Variants in GRK1 observed in about 807,000 individuals in gnomAD.
The protein encoded by GRK1 is G protein-coupled receptor kinase 1.
GRK1 carries 28 observed loss-of-function variants against 41.7 expected under a neutral mutation model. That is an observed-to-expected ratio of 0.67 (90% CI 0.50 to 0.92). GRK1 has a LOEUF of 0.92. Among genes scored for constraint, GRK1 ranks in the 40% least tolerant of loss-of-function variants. GRK1 has a pLI of 0.00. For missense variants in GRK1, 703 were observed against 671.2 expected (o/e 1.05, Z -0.52); for synonymous variants, 327 against 286.7 (o/e 1.14, Z -1.42).
At chr13:113,649,556 G>C in the GRK1 span, 1 of 1,470,594 alleles carries the variant, frequency 6.8e-7, no homozygotes, top group Non-Finnish European at 9.0e-7. The surrounding 1 kb of genome is among the most constrained non-coding windows in gnomAD (Gnocchi z 4.7). Flanking sequence ...AGTGAGGAAA[G>C]GACAGGTGTT....
At chr13:113,726,729 C>T (rs2049891172) in intron 4 of GRK1, among the ~76,000 whole-genome samples, 1 of 152,112 alleles carries the variant, frequency 6.6e-6, no homozygotes, top group Non-Finnish European at 1.5e-5. Flanking sequence ...TGCTCGTGCC[C>T]GGCCTGGGAG....
upstream of GRK1, chr13:113,667,023 GTTGT>G (rs2140714785): frequency 5.4e-6 from 1 of 185,000 alleles, no homozygotes; most frequent in African/African-American, 2.4e-5. This position sits in a 1 kb window ranked among gnomAD's most constrained non-coding sequence, Gnocchi z 7.5. Context: ...AAGCCTGGTG[GTTGT>G]TTGTCCTTCT....
chr13:113,657,197 C>T, the GRK1 span, among the ~76,000 whole-genome samples: 479 of 152,186 alleles, frequency 3.1e-3, 6 homozygotes, highest in African/African-American at 0.011. Context: ...ATTCCCACCT[C>T]GGCTCTGGGA....
upstream of GRK1, among the ~76,000 whole-genome samples, chr13:113,665,385 GTGTGCCCCAGCTGTCTCAGA>G (rs1307937476): frequency 4.3e-3 from 645 of 151,140 alleles, 3 homozygotes; most frequent in African/African-American, 0.014. Flanking sequence ...GCTGTCCCAG[GTGTGCCCCAGCTGTCTCAGA>G]TGTGCCCCAG....
At chr13:113,662,932 A>G (rs1337164746), upstream of GRK1, among the ~76,000 whole-genome samples, 1 of 152,248 alleles carries the variant, frequency 6.6e-6, no homozygotes, top group African/African-American at 2.4e-5. Context: ...TGGTAGATAT[A>G]TACAAGATTA....
chr13:113,665,079 C>T (rs2049809261), upstream of GRK1, among the ~76,000 whole-genome samples: 1 of 152,228 alleles, frequency 6.6e-6, no homozygotes, highest in African/African-American at 2.4e-5. Flanking sequence ...GTGCAGCCCC[C>T]AGTGCCCTCC....
upstream of GRK1, among the ~76,000 whole-genome samples, chr13:113,666,377 T>C (rs2049819262): frequency 6.7e-6 from 1 of 148,754 alleles, no homozygotes; most frequent in Non-Finnish European, 1.5e-5. Flanking sequence ...GTCCCAGCTG[T>C]CCCAGGTCTC....
At chr13:113,654,726 G>T in the GRK1 span, 1 of 1,502,790 alleles carries the variant, frequency 6.7e-7, no homozygotes, top group Non-Finnish European at 8.9e-7. Flanking sequence ...TTTCTGGGGA[G>T]GGCACGGGTC....
At chr13:113,649,561 G>C in the GRK1 span, 9 of 1,465,038 alleles carry the variant, frequency 6.1e-6, no homozygotes, top group South Asian at 1.2e-4. This position sits in a 1 kb window ranked among gnomAD's most constrained non-coding sequence, Gnocchi z 4.7. Flanking sequence ...GGAAAGGACA[G>C]GTGTTTCAAA....
In GRK1 at chr13:113,731,823, C is replaced by T. The variant is rs148251681; in HGVS notation, c.1194+480C>T. On this transcript the variant is annotated intron_variant, in intron 5 of 6. Transcript: ENST00000335678. The surrounding 1 kb of genome is among the most constrained non-coding windows in gnomAD (Gnocchi z 5.6). ...GCTCTGGGGGACACGGAGTCGGCTCCCCCTCCCTGGACGGTCTTATCCATC... is the reference window on the plus strand; with the variant it reads ...GCTCTGGGGGACACGGAGTCGGCTCTCCCTCCCTGGACGGTCTTATCCATC... 0.015 allele frequency among the ~76,000 whole-genome samples: 2,323 copies of T among 152,290 alleles called. 46 individuals carry two copies. Among genetic ancestry groups the T allele is most frequent in the African/African-American group, 0.053 (2,219 of 41,540 alleles).
chr13:113,668,166 C>A, intron 1 of GRK1, 81 bp downstream of exon 1: 1 of 1,416,840 alleles, frequency 7.1e-7, no homozygotes, highest in African/African-American at 1.4e-5. Flanking sequence ...GCCCCCAGGT[C>A]ACTGTCGGCT....
intron 6 of GRK1, among the ~76,000 whole-genome samples, chr13:113,733,906 C>T (rs535434623): frequency 0.11 from 6,760 of 64,054 alleles, 266 homozygotes; most frequent in Middle Eastern, 0.17. Context: ...TGTATGTGTG[C>T]ATACAGTGTG....
At chr13:113,665,424 GGT>G (rs546372850), upstream of GRK1, among the ~76,000 whole-genome samples, 1 of 141,408 alleles carries the variant, frequency 7.1e-6, no homozygotes, top group South Asian at 2.4e-4. Context: ...AGCTGTCCCA[GGT>G]GTGTCACAGC....
chr13:113,730,083 T>C lies in GRK1; in HGVS notation c.1070-1136T>C, dbSNP rs1194314789. ...TCCCGACACAGTCCCCCAGTCCCCG[T>C]GGCTGAGCCCAGACCCGCCCCTCCA... On this transcript the variant is annotated intron_variant, in intron 4 of 6. Transcript: ENST00000335678. 2.4e-3 allele frequency among the ~76,000 whole-genome samples: 180 copies of C among 73,492 alleles called. 2 individuals carry two copies. The highest frequency in any genetic ancestry group is 6.9e-3 in the African/African-American group (122 of 17,794). The allele number at this position is 73,492 out of a possible 152,430, so 48.2% of individuals were successfully genotyped here. A position where few individuals can be genotyped will look rare whatever the true frequency, so the allele number is the denominator to read the frequency against.
At chr13:113,661,100 G>T in the GRK1 span, among the ~76,000 whole-genome samples, 2 of 152,168 alleles carry the variant, frequency 1.3e-5, no homozygotes, top group African/African-American at 4.8e-5. Flanking sequence ...TGTATCTTGG[G>T]CCATAAAGGA....
At chr13:113,733,662 C>CATACGTGTGTGTGCGT in intron 6 of GRK1, among the ~76,000 whole-genome samples, 1 of 126,166 alleles carries the variant, frequency 7.9e-6, no homozygotes, top group East Asian at 2.3e-4. Flanking sequence ...CGTGTGTGTG[C>CATACGTGTGTGTGCGT]GTGTGTGCAC....
intron 6 of GRK1, among the ~76,000 whole-genome samples, chr13:113,733,867 G>GTGCA (rs1476397152): frequency 3.0e-5 from 4 of 133,740 alleles, no homozygotes; most frequent in Non-Finnish European, 6.2e-5. Flanking sequence ...GCATACGTGT[G>GTGCA]TGCGTGTGTG....
the GRK1 span, chr13:113,653,436 T>C: frequency 6.2e-7 from 1 of 1,612,344 alleles, no homozygotes; most frequent in Non-Finnish European, 8.5e-7. Flanking sequence ...AGGTTACCCC[T>C]GGAGAGAGAG....
Position 113,731,527 on chromosome 13 carries a change from G to A in GRK1, c.1194+184G>A. ...TGGGCCATGCTGTTCTGTCTCAGTG[G>A]GTGACGCCCCCAGCCCCTGAGGCCT... On this transcript the variant is annotated intron_variant, in intron 5 of 6. Transcript: ENST00000335678. This position sits in a 1 kb window ranked among gnomAD's most constrained non-coding sequence, Gnocchi z 5.6. 1 of 435,950 alleles carries A rather than the reference G, an allele frequency of 2.3e-6. No homozygotes were observed. Among genetic ancestry groups the A allele is most frequent in the Non-Finnish European group, 3.0e-6 (1 of 327,908 alleles). 27.0% of individuals were successfully genotyped at this position (435,950 alleles called of 1,614,324 possible).
Sources: gnomAD v4.1 joint callset for allele counts (sites outside exome capture counted in the v4.1 genomes callset) on GRCh38, gnomAD v4.1.1 for gene constraint, Gnocchi (gnomAD v3.1) non-coding constraint, MANE v1.5 for transcripts, NCBI Gene and HGNC (gene_info 2026-07-23, HGNC 2026-07-21) for gene names.